The following SCML4 variants were observed in gnomAD, a reference collection of about 807,000 sequenced individuals.
SCML4 encodes the protein Scm polycomb group protein like 4.
SCML4 carries 34 observed loss-of-function variants against 41.1 expected under a neutral mutation model. That is an observed-to-expected ratio of 0.83 (90% confidence interval 0.63 to 1.10). SCML4 has a LOEUF of 1.10. Ranked by LOEUF, SCML4 falls within the 50% of genes least tolerant of loss-of-function variation. The pLI, the probability that SCML4 is intolerant of heterozygous loss-of-function variation, is 0.00. For synonymous variants in SCML4, 214 were observed against 220.9 expected (o/e 0.97, Z 0.28); for missense variants, 522 against 534.1 (o/e 0.98, Z 0.22).
intron 1 of SCML4, among the ~76,000 whole-genome samples, chr6:107,778,447 T>A: frequency 6.6e-6 from 1 of 151,612 alleles, no homozygotes. Context: ...AGTCATCAAC[T>A]TTCTAAGTCT....
At chr6:107,788,335 A>G (rs1251969280) in intron 1 of SCML4, among the ~76,000 whole-genome samples, 1 of 152,184 alleles carries the variant, frequency 6.6e-6, no homozygotes, top group Non-Finnish European at 1.5e-5. Context: ...CCAGGCTGCC[A>G]TAAGGATCCC....
intron 1 of SCML4, among the ~76,000 whole-genome samples, chr6:107,809,397 CG>C (rs1266645194): frequency 6.6e-6 from 1 of 152,048 alleles, no homozygotes; most frequent in African/African-American, 2.4e-5. Context: ...ACGTATGAAG[CG>C]GGTTAAAGGG....
Position 107,707,431 on chromosome 6 carries a change from T to A in SCML4, c.1119+435A>T, listed in dbSNP as rs553028900. Among the ~76,000 whole-genome samples the A allele has an allele frequency of 2.0e-5, 3 of 152,370 alleles. No individual in the cohort carries two copies. The East Asian group carries it at 5.8e-4, about 29-fold the overall frequency. On this transcript the variant is annotated intron_variant, in intron 7 of 7. Coordinates refer to ENST00000369020, the MANE Select transcript of SCML4 (RefSeq NM_198081.5). ...ATCTCAAAATCATTATAATGCTATC[T>A]GCTCAGTGAAGGCTATCCGAGTCAG...
At chr6:107,790,213 G>T (rs1782215144) in intron 1 of SCML4, among the ~76,000 whole-genome samples, 1 of 152,164 alleles carries the variant, frequency 6.6e-6, no homozygotes, top group African/African-American at 2.4e-5. Context: ...AGGAAGCTTT[G>T]CAATCACCCT....
At position 107,749,122 on chromosome 6, in the gene SCML4, G is replaced by A. The variant is rs866725635; in HGVS notation, c.286+562C>T. 3.9e-5 allele frequency among the ~76,000 whole-genome samples: 6 copies of A among 152,014 alleles called. No individual in the cohort carries two copies. The South Asian group carries it at 8.3e-4, about 21-fold the overall frequency. The stretch of plus-strand genomic sequence containing the variant: ...GACATAGGATTCTCTGTGTGTGTGC[G>A]CGTGTGTGTGTGTGCATGTGCGTGT... On this transcript the variant is annotated intron_variant, in intron 3 of 7. Coordinates refer to ENST00000369020, the MANE Select transcript of SCML4 (RefSeq NM_198081.5).
intron 1 of SCML4, among the ~76,000 whole-genome samples, chr6:107,798,128 C>T (rs534366722): frequency 1.3e-5 from 2 of 151,962 alleles, no homozygotes; most frequent in South Asian, 4.2e-4. Context: ...TTATGGTGGC[C>T]TCAAAGCAAT....
chr6:107,835,546 C>T, the SCML4 span, among the ~76,000 whole-genome samples: 1 of 151,764 alleles, frequency 6.6e-6, no homozygotes, highest in African/African-American at 2.4e-5. Context: ...TCGAGACCAG[C>T]CTGGGAAGCA....
At chr6:107,812,716 T>C (rs751060425) in intron 1 of SCML4, among the ~76,000 whole-genome samples, 16 of 152,140 alleles carry the variant, frequency 1.1e-4, no homozygotes, top group Non-Finnish European at 1.9e-4. Context: ...AGACTCAAAC[T>C]AAAACATGAG....
At chr6:107,844,697 C>A in the SCML4 span, among the ~76,000 whole-genome samples, 5 of 152,056 alleles carry the variant, frequency 3.3e-5, no homozygotes, top group Non-Finnish European at 1.5e-5. Flanking sequence ...GCAGTCAATT[C>A]TCCACCTCAT....
Position 107,720,964 on chromosome 6 carries a change from C to A in SCML4, c.712G>T (p.Val238Leu). 1 of 1,612,948 alleles carries A rather than the reference C, an allele frequency of 6.2e-7. No individual in the cohort carries two copies. The highest frequency in any genetic ancestry group is 8.5e-7 in the Non-Finnish European group (1 of 1,179,444). ...TAGCGGTTCATGCCCACAGGGTTCA[C>A]CAGGTACTCTTCGGTGGTGACTGTC... Reference protein sequence around the residue: ...VKTVTTEEYLVNPVGMNRYSV... With the variant: ...VKTVTTEEYLLNPVGMNRYSV... The change falls in exon 6 of 8, where the codon GTG (valine) becomes TTG (leucine). Residue 238 changes from valine (V) to leucine (L), a missense_variant. Val to Leu is a conservative substitution (Grantham distance 32). Coordinates refer to ENST00000369020, the MANE Select transcript of SCML4 (RefSeq NM_198081.5).
the SCML4 span, among the ~76,000 whole-genome samples, chr6:107,834,911 C>CT: frequency 6.6e-6 from 1 of 150,520 alleles, no homozygotes; most frequent in East Asian, 1.9e-4. Context: ...GCACTCCAGC[C>CT]TGGGAGACAA....
chr6:107,711,306 C>T (rs897803883), intron 6 of SCML4, among the ~76,000 whole-genome samples: 3 of 152,188 alleles, frequency 2.0e-5, no homozygotes, highest in Non-Finnish European at 4.4e-5. Flanking sequence ...TTGACTCCTC[C>T]ATGGCTCAGA....
chr6:107,844,556 GA>G, the SCML4 span, among the ~76,000 whole-genome samples: 11 of 151,290 alleles, frequency 7.3e-5, no homozygotes, highest in Non-Finnish European at 1.2e-4. Flanking sequence ...AAAATTTGCT[GA>G]ACGTGGTAGC....
the SCML4 span, among the ~76,000 whole-genome samples, chr6:107,839,972 AAC>A: frequency 6.6e-6 from 1 of 152,204 alleles, no homozygotes; most frequent in Non-Finnish European, 1.5e-5. Context: ...AAAAATTATA[AAC>A]ACAATTTTAA....
chr6:107,713,121 G>A (rs187843548), intron 6 of SCML4, among the ~76,000 whole-genome samples: 148 of 152,282 alleles, frequency 9.7e-4, no homozygotes, highest in African/African-American at 3.4e-3. Context: ...AAGCAATCCT[G>A]ATTCTCACAG....
At chr6:107,768,097 C>CAA (rs766357180) in intron 2 of SCML4, among the ~76,000 whole-genome samples, 8 of 45,626 alleles carry the variant, frequency 1.8e-4, no homozygotes, top group African/African-American at 4.3e-4. Context: ...TTCATCTGTA[C>CAA]AAAAAAAAAA....
At chr6:107,806,904 G>A (rs1422036831) in intron 1 of SCML4, among the ~76,000 whole-genome samples, 1 of 152,222 alleles carries the variant, frequency 6.6e-6, no homozygotes, top group East Asian at 1.9e-4. Flanking sequence ...CACCCCATGA[G>A]AATGAACCGC....
At chr6:107,842,268 C>T in the SCML4 span, among the ~76,000 whole-genome samples, 10 of 152,066 alleles carry the variant, frequency 6.6e-5, no homozygotes, top group Middle Eastern at 3.2e-3. Flanking sequence ...TTCCATTATG[C>T]GCCAAGCACA....
rs886808650 is a variant in SCML4 at position 107,702,380 on chromosome 6, G to C, written c.*2820C>G. Among the ~76,000 whole-genome samples, 2 of 152,182 alleles carry C rather than the reference G, an allele frequency of 1.3e-5. No homozygotes were observed. Among genetic ancestry groups the C allele is most frequent in the South Asian group, 2.1e-4 (1 of 4,830 alleles). ...CTACTCAAGGGATCTCTTTGACATTGTTTGGGGCTGATTTTTATTTGAGAG... is the reference window on the plus strand; with the variant it reads ...CTACTCAAGGGATCTCTTTGACATTCTTTGGGGCTGATTTTTATTTGAGAG... On this transcript the variant is annotated 3_prime_UTR_variant, in exon 8 of 8. Coordinates refer to ENST00000369020, the MANE Select transcript of SCML4 (RefSeq NM_198081.5).
Sources: gnomAD v4.1 joint callset for allele counts (sites outside exome capture counted in the v4.1 genomes callset) on GRCh38, gnomAD v4.1.1 for gene constraint, MANE v1.5 for transcripts, NCBI Gene and HGNC (gene_info 2026-07-23, HGNC 2026-07-21) for gene names.